GDF1: variants seen among roughly 807,000 people sequenced by gnomAD.
GDF1 encodes the protein embryonic growth/differentiation factor 1.
In GDF1, 8 loss-of-function variants were observed where a neutral mutation model predicts 7.4. That is an observed-to-expected ratio of 1.09 (90% CI 0.64 to 1.96). The LOEUF (loss-of-function observed/expected upper bound fraction) is 1.96, where lower values mean the gene tolerates loss of function less well. Among genes scored for constraint, GDF1 ranks in the 30% most tolerant of loss-of-function variants. GDF1 has a pLI of 0.00. For missense variants in GDF1, 574 were observed against 551.5 expected, an observed-to-expected ratio of 1.04 and a Z score of -0.41; for synonymous variants, 311 against 276.7, an observed-to-expected ratio of 1.12 and a Z score of -1.23.
rs1479440436 is a variant in GDF1, at chr19:18,878,708, GC to G, written c.-313+221del. 5 of 1,376,488 alleles carry G rather than the reference GC, an allele frequency of 3.6e-6. No individual in the cohort carries two copies. Among genetic ancestry groups the G allele is most frequent in the Non-Finnish European group, 4.7e-6 (5 of 1,062,498 alleles). 85.3% of individuals were successfully genotyped at this position (1,376,488 alleles called of 1,614,324 possible). A position where few individuals can be genotyped will look rare whatever the true frequency, so the allele number is the denominator to read the frequency against. ...TGAGACCCTGCCTGTCGCCCTGCCT[GC>G]CCCTCCCCAGCCTCTCCCTCCCCTT... is the stretch of plus-strand genomic sequence containing the variant. On this transcript the variant is annotated intron_variant, in intron 6 of 7. Transcript: ENST00000247005. This position sits in a 1 kb window ranked among gnomAD's most constrained non-coding sequence, Gnocchi z 4.6.
chr19:18,891,328 TATC>T, intron 2 of GDF1, among the ~76,000 whole-genome samples: 1 of 152,078 alleles, frequency 6.6e-6, no homozygotes, highest in East Asian at 1.9e-4. Flanking sequence ...AGGAAACAGC[TATC>T]ATGTGTGTCC....
chr19:18,868,918 A>G lies in GDF1; in HGVS notation c.798T>C (p.Ala266=). The change falls in exon 8 of 8, where the codon GCT becomes GCC. Residue 266 remains alanine, a synonymous_variant. Transcript: ENST00000247005. ...EPVLGGGPGG[A]CRARRLYVSF... ...TCACGTACAGCCGCCGCGCGCGACA[A>G]GCGCCCCCGGGGCCGCCGCCCAACA... 7.3e-7 allele frequency: 1 copy of G among 1,364,294 alleles called. No homozygotes were observed. The highest frequency in any genetic ancestry group is 9.5e-7 in the Non-Finnish European group (1 of 1,049,032). The allele number at this position is 1,364,294 out of a possible 1,614,324, so 84.5% of individuals were successfully genotyped here.
At chr19:18,894,023 G>A (rs1399967915) in intron 1 of GDF1, among the ~76,000 whole-genome samples, 4 of 151,388 alleles carry the variant, frequency 2.6e-5, no homozygotes, top group African/African-American at 7.3e-5. Flanking sequence ...TGAGGAAGCC[G>A]CCCCCTCAGT....
Position 18,884,273 on chromosome 19 carries a change from G to A in GDF1, c.-913-6C>T, listed in dbSNP as rs932231463. ...TGCCATGCCCGGCGTCCAGTCTGGG[G>A]AGAGCCAAATCTCACAGTCAGGGCC... On this transcript the variant is annotated splice_polypyrimidine_tract_variant and splice_region_variant and intron_variant, in intron 2 of 7. Transcript: ENST00000247005. The A allele has an allele frequency of 1.4e-5, 23 of 1,608,386 alleles. No homozygotes were observed. The highest frequency in any genetic ancestry group is 1.9e-5 in the Non-Finnish European group (22 of 1,178,160).
intron 2 of GDF1, among the ~76,000 whole-genome samples, chr19:18,887,518 G>C (rs772757449): frequency 1.3e-5 from 2 of 152,138 alleles, no homozygotes; most frequent in Non-Finnish European, 2.9e-5. Context: ...GTGGAGGCAG[G>C]TGGATCACCT....
At chr19:18,891,761 A>G (rs565918677) in intron 2 of GDF1, among the ~76,000 whole-genome samples, 1 of 150,704 alleles carries the variant, frequency 6.6e-6, no homozygotes, top group Non-Finnish European at 1.5e-5. Flanking sequence ...GTAGAGATGG[A>G]GGTCTTACCA....
At position 18,880,387 on chromosome 19, in the gene GDF1, G is replaced by A. The variant is rs1383514401; in HGVS notation, c.-684C>T. On this transcript the variant is annotated 5_prime_UTR_variant, in exon 4 of 8. The change creates a new upstream start codon in the 5' untranslated region. Coordinates refer to ENST00000247005, the MANE Select transcript of GDF1 (RefSeq NM_001492.6). ...TGAGCTTGGTGAACTCAAGCTGCACGTCACTGATATCGTGCAGGAAGAGCA... is the reference window on the plus strand; with the variant it reads ...TGAGCTTGGTGAACTCAAGCTGCACATCACTGATATCGTGCAGGAAGAGCA... The A allele has an allele frequency of 1.9e-6, 3 of 1,583,784 alleles. No homozygotes were observed. The highest frequency in any genetic ancestry group is 2.7e-5 in the African/African-American group (2 of 74,426).
At chr19:18,886,127 C>A (rs77427834) in intron 2 of GDF1, among the ~76,000 whole-genome samples, 1 of 150,054 alleles carries the variant, frequency 6.7e-6, no homozygotes, top group Non-Finnish European at 1.5e-5. Flanking sequence ...ATGCTCTGGA[C>A]GGGCACGGTG....
rs1178993872 is a variant in GDF1 at position 18,868,576 on chromosome 19, C to T, written c.*21G>A. The T allele has an allele frequency of 6.5e-7, 1 of 1,530,576 alleles. No homozygotes were observed. The highest frequency in any genetic ancestry group is 8.9e-7 in the Non-Finnish European group (1 of 1,129,546). The allele number at this position is 1,530,576 out of a possible 1,614,324, so 94.8% of individuals were successfully genotyped here. ...ACCACGCGGCATTTATTGTTGGGCC[C>T]GCGTCCCTGCCCGCCCCGGGTTAGC... On this transcript the variant is annotated 3_prime_UTR_variant, in exon 8 of 8. Coordinates refer to ENST00000247005, the MANE Select transcript of GDF1 (RefSeq NM_001492.6).
chr19:18,886,366 A>G (rs918439723), intron 2 of GDF1, among the ~76,000 whole-genome samples: 12 of 152,146 alleles, frequency 7.9e-5, no homozygotes, highest in Non-Finnish European at 1.3e-4. Flanking sequence ...TGGTTAACAC[A>G]GTGAAACCCC....
rs1304798916 is a variant in GDF1, at chr19:18,868,602, G to C, written c.1114C>G (p.Arg372Gly). 3.2e-6 allele frequency: 5 copies of C among 1,557,366 alleles called. No individual in the cohort carries two copies. Among genetic ancestry groups the C allele is most frequent in the South Asian group, 2.4e-5 (2 of 84,554 alleles). The change falls in exon 8 of 8, where the codon CGC becomes GGC. Residue 372 changes from arginine to glycine, a missense_variant. Coordinates refer to ENST00000247005, the MANE Select transcript of GDF1 (RefSeq NM_001492.6). Reference sequence around the variant, plus strand: ...GCGTCCCTGCCCGCCCCGGGTTAGCGGCAGCCGCACTCGTCCACCACCATG... The same window carrying C: ...GCGTCCCTGCCCGCCCCGGGTTAGCCGCAGCCGCACTCGTCCACCACCATG... ...EDMVVDECGCR is the reference protein window; with the variant it reads ...EDMVVDECGCG
Position 18,870,255 on chromosome 19 carries a change from G to A in GDF1, c.53C>T (p.Ala18Val), listed in dbSNP as rs981500523. Residue 18 changes from alanine to valine, a missense_variant, in exon 7 of 8, where the codon GCC becomes GTC. Physicochemically the swap from Ala to Val is moderately conservative, Grantham distance 64. Coordinates refer to ENST00000247005, the MANE Select transcript of GDF1 (RefSeq NM_001492.6). The surrounding 1 kb of genome is among the most constrained non-coding windows in gnomAD (Gnocchi z 5.1). ...PCGHHLLLLL[A>V]LLLPSLPLTR... ...CAGGGGCAGCGAGGGCAGCAGCAGG[G>A]CCAGGAGGAGGAGGAGGTGGTGGCC... 1 of 1,551,120 alleles carries A rather than the reference G, an allele frequency of 6.4e-7. No homozygotes were observed. The highest frequency in any genetic ancestry group is 8.7e-7 in the Non-Finnish European group (1 of 1,150,604).
Position 18,868,851 on chromosome 19 carries a change from G to C in GDF1, c.865C>G (p.Arg289Gly). ...VGWHRWVIAP[R>G]GFLANYCQGQ... is the part of the protein sequence containing the mutation. ...TGGCAGTAGTTGGCCAGGAAGCCGC[G>C]CGGCGCGATGACCCAGCGGTGCCAG... The change falls in exon 8 of 8, where the codon CGC becomes GGC. Residue 289 changes from arginine to glycine, a missense_variant. By Grantham distance (125) the Arg-to-Gly change is moderately radical (BLOSUM62 -2). Transcript: ENST00000247005. 6.9e-7 allele frequency: 1 copy of C among 1,447,184 alleles called. No individual in the cohort carries two copies. Among genetic ancestry groups the C allele is most frequent in the South Asian group, 1.2e-5 (1 of 81,178 alleles). 89.6% of individuals were successfully genotyped at this position (1,447,184 alleles called of 1,614,324 possible).
At chr19:18,879,751 C>T (rs2056153872) in intron 4 of GDF1, among the ~76,000 whole-genome samples, 1 of 147,774 alleles carries the variant, frequency 6.8e-6, no homozygotes, top group African/African-American at 2.5e-5. Flanking sequence ...CCACCCACCT[C>T]ACCAAGGCCC....
chr19:18,869,245 T>TGCCGCCGCCGCC lies in GDF1; in HGVS notation c.459_470dup (p.Ala155_Ala158dup). 2 of 1,428,274 alleles carry TGCCGCCGCCGCC rather than the reference T, an allele frequency of 1.4e-6. No homozygotes were observed. Among genetic ancestry groups the TGCCGCCGCCGCC allele is most frequent in the Non-Finnish European group, 1.8e-6 (2 of 1,101,928 alleles). The allele number at this position is 1,428,274 out of a possible 1,614,324, so 88.5% of individuals were successfully genotyped here. Reference sequence around the variant, plus strand: ...TCAGCTCCCAGCCGCCCTCCGGGGCTGCCGCCGCCGCCGCCGCGAAACGCA... The same window carrying TGCCGCCGCCGCC: ...TCAGCTCCCAGCCGCCCTCCGGGGCTGCCGCCGCCGCCGCCGCCGCCGCCGCCGCGAAACGCA... On this transcript the variant is annotated inframe_insertion, in exon 8 of 8. Transcript: ENST00000247005.
rs2056115164 is a variant in GDF1, at chr19:18,878,795, G to C, written c.-313+135C>G. 5 of 1,474,458 alleles carry C rather than the reference G, an allele frequency of 3.4e-6. No homozygotes were observed. The Admixed American group carries it at 1.1e-4, about 32-fold the overall frequency. 91.3% of individuals were successfully genotyped at this position (1,474,458 alleles called of 1,614,324 possible). A position where few individuals can be genotyped will look rare whatever the true frequency, so the allele number is the denominator to read the frequency against. On this transcript the variant is annotated intron_variant, in intron 6 of 7. Coordinates refer to ENST00000247005, the MANE Select transcript of GDF1 (RefSeq NM_001492.6). This position sits in a 1 kb window ranked among gnomAD's most constrained non-coding sequence, Gnocchi z 4.6. ...CGTCCACGCCTTTATTGCAGTCTCTGTTTTGGAGTAGGCTTGGGGGGCAGC... is the reference window on the plus strand; with the variant it reads ...CGTCCACGCCTTTATTGCAGTCTCTCTTTTGGAGTAGGCTTGGGGGGCAGC...
At position 18,868,950 on chromosome 19, in the gene GDF1, C is replaced by G; in HGVS notation, c.766G>C (p.Glu256Gln). The change falls in exon 8 of 8, where the codon GAA becomes CAA. Residue 256 changes from glutamate to glutamine, a missense_variant. By Grantham distance (29) the Glu-to-Gln change is conservative (BLOSUM62 2). Coordinates refer to ENST00000247005, the MANE Select transcript of GDF1 (RefSeq NM_001492.6). ...HPLARPRRDA[E>Q]PVLGGGPGGA... ...CCGGGGCCGCCGCCCAACACGGGTT[C>G]GGCGTCGCGCCGCGGCCGGGCCAGG... The G allele has an allele frequency of 1.7e-6, 2 of 1,200,094 alleles. No individual in the cohort carries two copies. The highest frequency in any genetic ancestry group is 2.1e-6 in the Non-Finnish European group (2 of 965,126). The allele number at this position is 1,200,094 out of a possible 1,614,324, so 74.3% of individuals were successfully genotyped here.
intron 2 of GDF1, among the ~76,000 whole-genome samples, 164 bp downstream of exon 2, chr19:18,893,252 T>C (rs2056539668): frequency 6.6e-6 from 1 of 152,152 alleles, no homozygotes; most frequent in Non-Finnish European, 1.5e-5. Flanking sequence ...TCTCACTCTG[T>C]CGTCCAGGCT....
rs1601178191 is a variant in GDF1, at chr19:18,886,331, C to T, written c.-913-2064G>A. 2.6e-5 allele frequency among the ~76,000 whole-genome samples: 4 copies of T among 152,104 alleles called. No individual in the cohort carries two copies. The East Asian group carries it at 7.7e-4, about 29-fold the overall frequency. On this transcript the variant is annotated intron_variant, in intron 2 of 7. Coordinates refer to ENST00000247005, the MANE Select transcript of GDF1 (RefSeq NM_001492.6). The stretch of plus-strand genomic sequence containing the variant: ...TTGGGAGGCCGAGGCGGGCGGATCA[C>T]AAGGTCAGGAGATCAAGACCATCCT...
Sources: allele counts gnomAD v4.1 joint callset (sites outside exome capture counted in the v4.1 genomes callset), GRCh38; gene constraint gnomAD v4.1.1; non-coding constraint Gnocchi (gnomAD v3.1); transcripts MANE v1.5; gene names NCBI Gene and HGNC (gene_info 2026-07-23, HGNC 2026-07-21).